The following SDK1 variants were observed in gnomAD, a reference collection of about 807,000 sequenced individuals.
SDK1 encodes the protein protein sidekick-1.
A neutral mutation model predicts 245.5 loss-of-function variants in SDK1; 157 were observed. The ratio of observed to expected loss-of-function variants is 0.64; its 90% CI spans 0.56 to 0.73. SDK1 has a LOEUF of 0.73. Ranked by LOEUF, SDK1 falls within the 30% of genes least tolerant of loss-of-function variation. The probability of loss-of-function intolerance (pLI) is 0.00; values close to 1 mark genes in which losing one functional copy is unlikely to be tolerated. For synonymous variants in SDK1, 1,647 were observed against 1,278.5 expected (o/e 1.29, Z -6.15); for missense variants, 3,583 against 3,002.3 (o/e 1.19, Z -4.52).
At chr7:3,928,649 G>A (rs1779863389) in intron 5 of SDK1, among the ~76,000 whole-genome samples, 1 of 152,024 alleles carries the variant, frequency 6.6e-6, no homozygotes, top group Non-Finnish European at 1.5e-5. Context: ...TGGGTGGAAT[G>A]CCAATAATGG....
At chr7:3,750,709 A>G (rs925250067) in intron 4 of SDK1, among the ~76,000 whole-genome samples, 2 of 152,240 alleles carry the variant, frequency 1.3e-5, no homozygotes, top group Non-Finnish European at 2.9e-5. Context: ...AAATATGCAG[A>G]TAAGTCTAGG....
chr7:3,817,715 C>G (rs1168717844), intron 4 of SDK1, among the ~76,000 whole-genome samples: 1 of 152,150 alleles, frequency 6.6e-6, no homozygotes, highest in Non-Finnish European at 1.5e-5. Flanking sequence ...AGGGGTGGGT[C>G]TAGCCATCAT....
At chr7:3,852,581 A>T (rs1435833824) in intron 5 of SDK1, among the ~76,000 whole-genome samples, 2 of 151,442 alleles carry the variant, frequency 1.3e-5, no homozygotes, top group African/African-American at 4.9e-5. Flanking sequence ...CCCCGTCTCT[A>T]CTAAAAAATA....
At chr7:3,491,482 C>T (rs144964279) in intron 1 of SDK1, among the ~76,000 whole-genome samples, 24 of 152,298 alleles carry the variant, frequency 1.6e-4, no homozygotes, top group African/African-American at 4.8e-4. Flanking sequence ...AGAAATATGT[C>T]GTTGAATTGC....
At chr7:3,590,690 A>G (rs552900793) in intron 1 of SDK1, among the ~76,000 whole-genome samples, 2 of 151,960 alleles carry the variant, frequency 1.3e-5, no homozygotes, top group African/African-American at 4.8e-5. Flanking sequence ...CATTTACTTC[A>G]CAAGGGAAAC....
chr7:3,307,748 G>A (rs1051096426), intron 1 of SDK1, among the ~76,000 whole-genome samples: 2 of 152,120 alleles, frequency 1.3e-5, no homozygotes, highest in South Asian at 2.1e-4. Context: ...AGTAGGCCTC[G>A]TTTATACTTC....
intron 35 of SDK1, among the ~76,000 whole-genome samples, chr7:4,187,555 A>G (rs1224362838): frequency 1.3e-5 from 2 of 152,168 alleles, no homozygotes; most frequent in African/African-American, 4.8e-5. Flanking sequence ...GTATCTCATT[A>G]TTATTTTCCT....
intron 4 of SDK1, among the ~76,000 whole-genome samples, chr7:3,689,597 A>G (rs1242727542): frequency 6.6e-6 from 1 of 152,220 alleles, no homozygotes; most frequent in African/African-American, 2.4e-5. Flanking sequence ...ACTAAATGCC[A>G]TCCACCTATT....
Position 3,619,109 on chromosome 7 carries a change from C to A in SDK1, c.328C>A (p.Pro110Thr), listed in dbSNP as rs549248402. 3 of 1,609,284 alleles carry A rather than the reference C, an allele frequency of 1.9e-6. No individual in the cohort carries two copies. The highest frequency in any genetic ancestry group is 4.5e-5 in the East Asian group (2 of 44,714). ...TGTTGCTCCATATTTTAAAACGGAG[C>A]CAGGCCTACCACAGATCCACCTGGA... ...DDVAPYFKTE[P>T]GLPQIHLEGN... is the part of the protein sequence containing the mutation. Residue 110 changes from proline to threonine, a missense_variant, in exon 2 of 45, where the codon CCA (proline) becomes ACA (threonine). By Grantham distance (38) the Pro-to-Thr change is conservative. Coordinates refer to ENST00000404826, the MANE Select transcript of SDK1 (RefSeq NM_152744.4).
intron 1 of SDK1, among the ~76,000 whole-genome samples, chr7:3,456,876 G>T (rs967155615): frequency 1.3e-5 from 2 of 152,150 alleles, no homozygotes; most frequent in Non-Finnish European, 2.9e-5. Flanking sequence ...TAGCACTCAG[G>T]TTCTGGCCTG....
intron 44 of SDK1, among the ~76,000 whole-genome samples, chr7:4,251,980 A>T (rs533989781): frequency 9.8e-5 from 15 of 152,358 alleles, no homozygotes; most frequent in Admixed American, 9.2e-4. Context: ...ATGGTACATT[A>T]CATTAACTAA....
intron 4 of SDK1, among the ~76,000 whole-genome samples, chr7:3,718,136 T>A (rs1050110815): frequency 5.9e-5 from 9 of 152,072 alleles, no homozygotes; most frequent in Admixed American, 5.9e-4. Context: ...CTCATGTAAG[T>A]CATACTAACA....
chr7:3,428,727 C>A (rs888879938), intron 1 of SDK1, among the ~76,000 whole-genome samples: 1 of 152,162 alleles, frequency 6.6e-6, no homozygotes, highest in Admixed American at 6.5e-5. Context: ...TAGCAACATA[C>A]CTGACCTTAT....
chr7:4,080,403 A>T (rs1175551566), intron 22 of SDK1, among the ~76,000 whole-genome samples: 1 of 152,148 alleles, frequency 6.6e-6, no homozygotes, highest in Non-Finnish European at 1.5e-5. Context: ...GGGCCAAATT[A>T]TGAGGAGTAG....
chr7:4,118,878 A>C (rs1261083171), intron 25 of SDK1, among the ~76,000 whole-genome samples: 1 of 148,776 alleles, frequency 6.7e-6, no homozygotes, highest in Non-Finnish European at 1.5e-5. Flanking sequence ...GAATAGGCAA[A>C]TCTAGAGAGG....
At chr7:3,827,559 G>T (rs888789594) in intron 5 of SDK1, among the ~76,000 whole-genome samples, 3 of 152,226 alleles carry the variant, frequency 2.0e-5, no homozygotes, top group Admixed American at 1.3e-4. Context: ...ATCTTTTGCT[G>T]TCTACAAAAC....
chr7:3,572,478 G>T (rs530374071), intron 1 of SDK1, among the ~76,000 whole-genome samples: 1 of 152,102 alleles, frequency 6.6e-6, no homozygotes, highest in Non-Finnish European at 1.5e-5. Flanking sequence ...AAACTGCGCA[G>T]ACCAATGAAT....
chr7:4,016,678 C>T (rs1348924350), intron 16 of SDK1, among the ~76,000 whole-genome samples: 1 of 152,178 alleles, frequency 6.6e-6, no homozygotes, highest in Non-Finnish European at 1.5e-5. Context: ...AACACCTTTT[C>T]AAAGCCGCTG....
intron 1 of SDK1, among the ~76,000 whole-genome samples, chr7:3,365,705 A>G (rs985944873): frequency 1.4e-4 from 21 of 152,336 alleles, no homozygotes; most frequent in African/African-American, 4.1e-4. Context: ...CTGAGGATGT[A>G]GAGACAGAAC....
Sources: allele counts gnomAD v4.1 joint callset (sites outside exome capture counted in the v4.1 genomes callset), GRCh38; gene constraint gnomAD v4.1.1; transcripts MANE v1.5; gene names NCBI Gene and HGNC (gene_info 2026-07-23, HGNC 2026-07-21).